Variants in UBTD1 observed in about 807,000 individuals in gnomAD.
UBTD1 encodes the protein ubiquitin domain-containing protein 1.
Under a neutral mutation model 21.7 loss-of-function variants are expected in UBTD1, and 19 were observed. The ratio of observed to expected loss-of-function variants is 0.87; its 90% CI spans 0.61 to 1.28. The LOEUF (loss-of-function observed/expected upper bound fraction) is 1.28. Ranked by LOEUF, UBTD1 falls within the 50% of genes most tolerant of loss-of-function variation. UBTD1 has a pLI of 0.00. For synonymous variants in UBTD1, 116 were observed against 135.1 expected, an observed-to-expected ratio of 0.86 and a Z score of 0.98; for missense variants, 282 against 315.1, an observed-to-expected ratio of 0.89 and a Z score of 0.80.
intron 1 of UBTD1, among the ~76,000 whole-genome samples, chr10:97,512,058 A>G (rs2040425100): frequency 2.0e-5 from 3 of 152,194 alleles, no homozygotes; most frequent in African/African-American, 7.2e-5. Flanking sequence ...TATCCCAGCT[A>G]CTGTGTTGGG....
chr10:97,546,197 G>C (rs765872970), intron 1 of UBTD1, among the ~76,000 whole-genome samples: 8 of 152,172 alleles, frequency 5.3e-5, no homozygotes, highest in Non-Finnish European at 1.2e-4. Flanking sequence ...CCCCAGCTGG[G>C]GTGACTGTGG....
chr10:97,538,274 T>C (rs1481249108), intron 1 of UBTD1, among the ~76,000 whole-genome samples: 2 of 152,144 alleles, frequency 1.3e-5, no homozygotes, highest in Non-Finnish European at 2.9e-5. Flanking sequence ...AGAGGATCCC[T>C]TGAGGCTAGG....
Position 97,570,729 on chromosome 10 carries a change from A to G in UBTD1, c.*206A>G, listed in dbSNP as rs1299885242. 3.3e-6 allele frequency: 2 copies of G among 608,296 alleles called. No individual in the cohort carries two copies. Among genetic ancestry groups the G allele is most frequent in the Non-Finnish European group, 5.5e-6 (2 of 361,026 alleles). The allele number at this position is 608,296 out of a possible 1,614,324, so 37.7% of individuals were successfully genotyped here. Reference sequence around the variant, plus strand: ...CAGGCAGCCACACACGGGCCTTGCAACCTTGTCAGAGAAAAGGCGAACAGG... The same window carrying G: ...CAGGCAGCCACACACGGGCCTTGCAGCCTTGTCAGAGAAAAGGCGAACAGG... On this transcript the variant is annotated 3_prime_UTR_variant, in exon 3 of 3. Coordinates refer to ENST00000370664, the MANE Select transcript of UBTD1 (RefSeq NM_024954.5). The surrounding 1 kb of genome is among the most constrained non-coding windows in gnomAD (Gnocchi z 6.6).
chr10:97,530,935 T>A (rs2040526816), intron 1 of UBTD1, among the ~76,000 whole-genome samples: 1 of 152,146 alleles, frequency 6.6e-6, no homozygotes, highest in Non-Finnish European at 1.5e-5. Flanking sequence ...TTGCCCAGGC[T>A]GGAGTGCAGT....
chr10:97,537,492 C>T (rs1564740412), intron 1 of UBTD1, among the ~76,000 whole-genome samples: 1 of 152,226 alleles, frequency 6.6e-6, no homozygotes, highest in African/African-American at 2.4e-5. Flanking sequence ...CTCACCTCCC[C>T]TGTCACCCTC....
intron 1 of UBTD1, among the ~76,000 whole-genome samples, chr10:97,513,772 G>A (rs2040431977): frequency 6.6e-6 from 1 of 152,060 alleles, no homozygotes; most frequent in Non-Finnish European, 1.5e-5. Context: ...GAGTGCAGTG[G>A]AGCTATTATA....
At chr10:97,542,019 A>G (rs1205659239) in intron 1 of UBTD1, among the ~76,000 whole-genome samples, 1 of 152,078 alleles carries the variant, frequency 6.6e-6, no homozygotes, top group East Asian at 1.9e-4. Context: ...TACAGGCATG[A>G]TCCACCACGC....
At chr10:97,546,629 C>T (rs1237872113) in intron 1 of UBTD1, among the ~76,000 whole-genome samples, 1 of 151,064 alleles carries the variant, frequency 6.6e-6, no homozygotes, top group Non-Finnish European at 1.5e-5. Context: ...CCAGGGCACG[C>T]AGTCAGGTGT....
Position 97,570,573 on chromosome 10 carries a change from C to T in UBTD1, c.*50C>T, listed in dbSNP as rs1055429016. On this transcript the variant is annotated 3_prime_UTR_variant, in exon 3 of 3. Coordinates refer to ENST00000370664, the MANE Select transcript of UBTD1 (RefSeq NM_024954.5). This position sits in a 1 kb window ranked among gnomAD's most constrained non-coding sequence, Gnocchi z 6.6. The stretch of plus-strand genomic sequence containing the variant: ...GGCCCCGCCTGGAGCACTAGGCCCC[C>T]ACCCTGCTGCTGCCTTCCAGTGCTG... 2 of 1,538,076 alleles carry T rather than the reference C, an allele frequency of 1.3e-6. No individual in the cohort carries two copies. The highest frequency in any genetic ancestry group is 1.2e-5 in the South Asian group (1 of 81,406).
intron 1 of UBTD1, among the ~76,000 whole-genome samples, chr10:97,553,350 C>G (rs1269141076): frequency 6.6e-6 from 1 of 152,144 alleles, no homozygotes; most frequent in Non-Finnish European, 1.5e-5. Context: ...CAGGCTTTCT[C>G]GAACTCCTGA....
At chr10:97,562,984 G>A (rs968365262) in intron 1 of UBTD1, among the ~76,000 whole-genome samples, 4 of 152,136 alleles carry the variant, frequency 2.6e-5, no homozygotes, top group Non-Finnish European at 4.4e-5. Context: ...GATTAGGGGC[G>A]GCGTGGGAAC....
chr10:97,560,475 C>T (rs2040687126), intron 1 of UBTD1, among the ~76,000 whole-genome samples: 2 of 152,140 alleles, frequency 1.3e-5, no homozygotes, highest in South Asian at 4.1e-4. Flanking sequence ...TTACTTGCCT[C>T]TGCCAGCTGC....
chr10:97,560,895 A>G (rs1002797292), intron 1 of UBTD1, among the ~76,000 whole-genome samples: 1 of 150,732 alleles, frequency 6.6e-6, no homozygotes, highest in Admixed American at 6.7e-5. Flanking sequence ...CCAAACCAAA[A>G]TCAGAGTATC....
At chr10:97,549,960 T>G (rs1376867685) in intron 1 of UBTD1, among the ~76,000 whole-genome samples, 2 of 152,238 alleles carry the variant, frequency 1.3e-5, no homozygotes, top group Non-Finnish European at 2.9e-5. Flanking sequence ...CTGGGCCCTG[T>G]GTTCTTCCTG....
At chr10:97,514,252 C>T (rs1157775721) in intron 1 of UBTD1, among the ~76,000 whole-genome samples, 1 of 152,114 alleles carries the variant, frequency 6.6e-6, no homozygotes, top group Admixed American at 6.6e-5. Context: ...TCTTTCATTA[C>T]CCACTGCATG....
intron 1 of UBTD1, among the ~76,000 whole-genome samples, chr10:97,505,521 T>G (rs1036035396): frequency 6.6e-6 from 1 of 152,244 alleles, no homozygotes; most frequent in African/African-American, 2.4e-5. Context: ...CACAGAGATG[T>G]TATGGAGATA....
At chr10:97,542,112 C>T (rs1390860013) in intron 1 of UBTD1, among the ~76,000 whole-genome samples, 1 of 152,180 alleles carries the variant, frequency 6.6e-6, no homozygotes, top group Non-Finnish European at 1.5e-5. Flanking sequence ...CCGCCCCTCG[C>T]TAATAAGTTC....
chr10:97,562,457 T>C (rs1184628818), intron 1 of UBTD1, among the ~76,000 whole-genome samples: 4 of 152,012 alleles, frequency 2.6e-5, no homozygotes, highest in Non-Finnish European at 5.9e-5. Flanking sequence ...GGTGGTGGAG[T>C]TAGGAGCAAT....
intron 1 of UBTD1, among the ~76,000 whole-genome samples, chr10:97,554,379 T>G (rs1302280824): frequency 6.6e-6 from 1 of 151,440 alleles, no homozygotes; most frequent in Admixed American, 6.6e-5. Context: ...CCATAATAGC[T>G]GGGATTACAG....
Sources: allele counts gnomAD v4.1 joint callset (sites outside exome capture counted in the v4.1 genomes callset), GRCh38; gene constraint gnomAD v4.1.1; non-coding constraint Gnocchi (gnomAD v3.1); transcripts MANE v1.5; gene names NCBI Gene and HGNC (gene_info 2026-07-23, HGNC 2026-07-21).